Variants in CPSF1 observed in about 807,000 individuals in gnomAD.
The protein encoded by CPSF1 is cleavage and polyadenylation specific factor 1.
CPSF1 carries 106 observed loss-of-function variants against 175.8 expected under a neutral mutation model. That is an observed-to-expected ratio of 0.60 (90% CI 0.52 to 0.71). The LOEUF is 0.71. CPSF1 is among the 30% of genes least tolerant of loss of function. CPSF1 has a pLI of 0.00. For missense variants in CPSF1, 1,734 were observed against 2,022.9 expected, an observed-to-expected ratio of 0.86 and a Z score of 2.74; for synonymous variants, 1,024 against 858.3, an observed-to-expected ratio of 1.19 and a Z score of -3.37.
In CPSF1 at chr8:144,397,666, G is replaced by A. The variant is rs782804127; in HGVS notation, c.2211-5C>T. ...TCCTCGTCATCCACTGTGGGGCTGG[G>A]GGCCAGCAGAAGGTCATGGGCGGCC... On this transcript the variant is annotated splice_region_variant and splice_polypyrimidine_tract_variant and intron_variant, in intron 21 of 37. Coordinates refer to ENST00000616140, the MANE Select transcript of CPSF1 (RefSeq NM_013291.3). The A allele has an allele frequency of 1.9e-6, 3 of 1,541,834 alleles. No individual in the cohort carries two copies. Among genetic ancestry groups the A allele is most frequent in the East Asian group, 2.3e-5 (1 of 43,994 alleles).
In CPSF1 at chr8:144,400,367, C is replaced by T. The variant is rs2116874735; in HGVS notation, c.813G>A (p.Val271=). Residue 271 remains valine, a synonymous_variant, in exon 8 of 38, where the codon GTG becomes GTA. Coordinates refer to ENST00000616140, the MANE Select transcript of CPSF1 (RefSeq NM_013291.3). ...LPFDCTQALA[V]PKPIGGVVVF... The stretch of plus-strand genomic sequence containing the variant: ...CAGGACACACACCTATGGGCTTGGG[C>T]ACAGCCAGAGCCTGGGTGCAGTCAA... 3 of 1,613,934 alleles carry T rather than the reference C, an allele frequency of 1.9e-6. No individual in the cohort carries two copies. In the East Asian group the frequency reaches 6.7e-5, roughly 36 times the overall value.
rs1416907692 is a variant in CPSF1 at position 144,409,295 on chromosome 8, G to GTT, written c.-23_-22dup. 10 of 745,654 alleles carry GTT rather than the reference G, an allele frequency of 1.3e-5. No individual in the cohort carries two copies. Among genetic ancestry groups the GTT allele is most frequent in the Non-Finnish European group, 1.8e-5 (10 of 559,510 alleles). The allele number at this position is 745,654 out of a possible 1,614,324, so 46.2% of individuals were successfully genotyped here. A position where few individuals can be genotyped will look rare whatever the true frequency, so the allele number is the denominator to read the frequency against. On this transcript the variant is annotated 5_prime_UTR_variant, in exon 1 of 38. Coordinates refer to ENST00000616140, the MANE Select transcript of CPSF1 (RefSeq NM_013291.3). ...CGCCCGCCCGGCCGCCCACCTGGCA[G>GTT]TTGGAGCCGACTCGAGAGGAACCGG...
chr8:144,394,592 G>A (rs782581631), intron 31 of CPSF1, 37 bp from the exon 32 acceptor site: 1 of 1,603,078 alleles, frequency 6.2e-7, no homozygotes, highest in Non-Finnish European at 8.5e-7. Context: ...GCGCGGACGG[G>A]GAGCCGGGTG....
At chr8:144,396,140 T>G (rs1586613600) in intron 26 of CPSF1, 1 of 603,670 alleles carries the variant, frequency 1.7e-6, no homozygotes, top group African/African-American at 1.9e-5. Flanking sequence ...CCCCAGGGGC[T>G]GCAGCCCCAG....
At chr8:144,398,241 C>T in intron 19 of CPSF1, 61 bp downstream of exon 19, 3 of 1,072,382 alleles carry the variant, frequency 2.8e-6, no homozygotes, top group Non-Finnish European at 3.7e-6. Flanking sequence ...CCCACCGTCC[C>T]CACCCACCTA....
chr8:144,400,215 A>G lies in CPSF1; in HGVS notation c.888T>C (p.Tyr296=), dbSNP rs2116873565. Residue 296 remains tyrosine, a synonymous_variant, in exon 9 of 38, where the codon TAT becomes TAC. Coordinates refer to ENST00000616140, the MANE Select transcript of CPSF1 (RefSeq NM_013291.3). ...LLYLNQSVPP[Y]GVALNSLTTG... ...TGGTGAGGCTGTTGAGAGCCACGCC[A>G]TACGGGGGGACGCTCTGGTTCAGGT... 1.3e-6 allele frequency: 2 copies of G among 1,496,162 alleles called. No homozygotes were observed. Among genetic ancestry groups the G allele is most frequent in the Non-Finnish European group, 1.8e-6 (2 of 1,112,658 alleles). 92.7% of individuals were successfully genotyped at this position (1,496,162 alleles called of 1,614,324 possible).
Position 144,400,020 on chromosome 8 carries a change from T to A in CPSF1, c.1003A>T (p.Met335Leu). The change falls in exon 10 of 38, where the codon ATG (methionine) becomes TTG (leucine). Residue 335 changes from methionine (M) to leucine (L), a missense_variant. Transcript: ENST00000616140. ...TCGCCGCCCTTGAGGGAGATGACCATCTTGTCGTAGGAGATGAAGGTGGCC... is the reference window on the plus strand; with the variant it reads ...TCGCCGCCCTTGAGGGAGATGACCAACTTGTCGTAGGAGATGAAGGTGGCC... ...AQATFISYDK[M>L]VISLKGGEIY... 3.1e-6 allele frequency: 5 copies of A among 1,612,084 alleles called. No individual in the cohort carries two copies. Among genetic ancestry groups the A allele is most frequent in the Non-Finnish European group, 4.2e-6 (5 of 1,179,850 alleles).
intron 2 of CPSF1, among the ~76,000 whole-genome samples, chr8:144,402,135 C>G (rs200792959): frequency 6.8e-6 from 1 of 146,494 alleles, no homozygotes; most frequent in Non-Finnish European, 1.5e-5. Flanking sequence ...GCTATCCTGA[C>G]GCCTCGGGCT....
At position 144,397,109 on chromosome 8, in the gene CPSF1, G is replaced by A. The variant is rs1586616388; in HGVS notation, c.2592+98C>T. The A allele has an allele frequency of 1.2e-5, 15 of 1,228,586 alleles. No individual in the cohort carries two copies. In the East Asian group the frequency reaches 1.3e-4, roughly 11 times the overall value. 76.1% of individuals were successfully genotyped at this position (1,228,586 alleles called of 1,614,324 possible). On this transcript the variant is annotated intron_variant, in intron 23 of 37. Transcript: ENST00000616140. ...GCCACGGGAAGGGGCGGGGCCGTGGGGGAGATGGGGTGGAGCCACGGGAAG... is the reference window on the plus strand; with the variant it reads ...GCCACGGGAAGGGGCGGGGCCGTGGAGGAGATGGGGTGGAGCCACGGGAAG...
At chr8:144,408,830 A>G (rs570217639) in intron 2 of CPSF1, among the ~76,000 whole-genome samples, 185 bp downstream of exon 2, 1 of 152,202 alleles carries the variant, frequency 6.6e-6, no homozygotes, top group African/African-American at 2.4e-5. Context: ...GAGGCAGAAC[A>G]GGGTAGCAGC....
chr8:144,399,037 A>C lies in CPSF1; in HGVS notation c.1469T>G (p.Phe490Cys). The part of the protein sequence containing the change: ...VGEPAFLSEE[F>C]QNSPEPDLEI... Reference sequence around the variant, plus strand: ...CAGGTCCGGCTCGGGGCTGTTCTGAAACTGCACAGGACTCGGGGGTGAGGA... The same window carrying C: ...CAGGTCCGGCTCGGGGCTGTTCTGACACTGCACAGGACTCGGGGGTGAGGA... Residue 490 changes from phenylalanine (F) to cysteine (C), a missense_variant and splice_region_variant, in exon 16 of 38, where the codon TTT becomes TGT. Physicochemically the swap from Phe to Cys is radical, Grantham distance 205. Around this residue, in one of 10 missense-constraint regions of CPSF1, gnomAD observed 280 missense variants for 349.2 expected, o/e 0.80. Transcript: ENST00000616140. This position sits in a 1 kb window ranked among gnomAD's most constrained non-coding sequence, Gnocchi z 6.4. 1 of 1,594,142 alleles carries C rather than the reference A, an allele frequency of 6.3e-7. No homozygotes were observed. Among genetic ancestry groups the C allele is most frequent in the African/African-American group, 1.3e-5 (1 of 74,308 alleles).
At position 144,393,448 on chromosome 8, in the gene CPSF1, TCA is replaced by T; in HGVS notation, c.4284+2_4284+3del. 1.3e-6 allele frequency: 2 copies of T among 1,548,164 alleles called. No homozygotes were observed. Among genetic ancestry groups the T allele is most frequent in the Non-Finnish European group, 8.7e-7 (1 of 1,146,916 alleles). ...GGCGCGCGGGGGGCGGGGCGCGCAC[TCA>T]CTATGTCTGGTGTGGTGCCGATCTT... On this transcript the variant is annotated splice_donor_variant and splice_donor_region_variant and intron_variant, in intron 37 of 37. Coordinates refer to ENST00000616140, the MANE Select transcript of CPSF1 (RefSeq NM_013291.3). LOFTEE classifies it high-confidence loss of function.
chr8:144,401,247 G>A lies in CPSF1; in HGVS notation c.351C>T (p.Thr117=). 1.3e-6 allele frequency: 2 copies of A among 1,551,890 alleles called. No homozygotes were observed. The highest frequency in any genetic ancestry group is 1.7e-6 in the Non-Finnish European group (2 of 1,147,572). The change falls in exon 5 of 38, where the codon ACC becomes ACT. Residue 117 remains threonine, a synonymous_variant. Coordinates refer to ENST00000616140, the MANE Select transcript of CPSF1 (RefSeq NM_013291.3). ...EYDPGTHDLK[T]LSLHYFEEPE... ...GCTCCTCAAAGTAGTGCAGTGACAGGGTCTTCAGGTCATGGGTGCCCGGGT... is the reference window on the plus strand; with the variant it reads ...GCTCCTCAAAGTAGTGCAGTGACAGAGTCTTCAGGTCATGGGTGCCCGGGT...
At position 144,395,564 on chromosome 8, in the gene CPSF1, C is replaced by T. The variant is rs1222115520; in HGVS notation, c.2980-13G>A. 6.2e-6 allele frequency: 7 copies of T among 1,137,262 alleles called. No individual in the cohort carries two copies. The highest frequency in any genetic ancestry group is 8.9e-6 in the Non-Finnish European group (7 of 783,038). 70.4% of individuals were successfully genotyped at this position (1,137,262 alleles called of 1,614,324 possible). A position where few individuals can be genotyped will look rare whatever the true frequency, so the allele number is the denominator to read the frequency against. ...TCCTCAGCTCGCCCTGGGGTGGGGG[C>T]ACAGGGGTCAGGGGATCCAGGGCTA... is the stretch of plus-strand genomic sequence containing the variant. On this transcript the variant is annotated splice_polypyrimidine_tract_variant and intron_variant, in intron 26 of 37. Coordinates refer to ENST00000616140, the MANE Select transcript of CPSF1 (RefSeq NM_013291.3).
rs2116884807 is a variant in CPSF1 at position 144,401,487 on chromosome 8, G to A, written c.249C>T (p.Ser83=). ...CCCGCTTGGCTCCTGCCAGCTGCACGCTGGCCATGGACATGACGTTGCCAA... is the reference window on the plus strand; with the variant it reads ...CCCGCTTGGCTCCTGCCAGCTGCACACTGGCCATGGACATGACGTTGCCAA... The part of the protein sequence containing the change: ...SFFGNVMSMA[S]VQLAGAKRDA... The change falls in exon 4 of 38, where the codon AGC becomes AGT. Residue 83 remains serine (S), a synonymous_variant. Coordinates refer to ENST00000616140, the MANE Select transcript of CPSF1 (RefSeq NM_013291.3). 33 of 1,614,016 alleles carry A rather than the reference G, an allele frequency of 2.0e-5. No homozygotes were observed. The highest frequency in any genetic ancestry group is 4.0e-5 in the African/African-American group (3 of 75,056).
In CPSF1 at chr8:144,400,643, T is replaced by C. The variant is rs2116876991; in HGVS notation, c.686+28A>G. ...GCAGAGGCAGCTAGGGGGCCCACAG[T>C]GCAGAGGGGCCTCCTTAGGGGGCTC... On this transcript the variant is annotated intron_variant, in intron 7 of 37. Coordinates refer to ENST00000616140, the MANE Select transcript of CPSF1 (RefSeq NM_013291.3). 1.1e-4 allele frequency: 176 copies of C among 1,598,234 alleles called. No homozygotes were observed. The African/African-American group carries it at 2.1e-3, about 19-fold the overall frequency.
Position 144,400,236 on chromosome 8 carries a change from C to T in CPSF1, c.867G>A (p.Leu289=). 6.3e-7 allele frequency: 1 copy of T among 1,584,856 alleles called. No homozygotes were observed. The highest frequency in any genetic ancestry group is 2.3e-5 in the East Asian group (1 of 43,964). Residue 289 remains leucine (L), a synonymous_variant, in exon 9 of 38, where the codon CTG becomes CTA. Coordinates refer to ENST00000616140, the MANE Select transcript of CPSF1 (RefSeq NM_013291.3). ...VVFAVNSLLY[L]NQSVPPYGVA... is the part of the protein sequence containing the mutation. ...CGCCATACGGGGGGACGCTCTGGTT[C>T]AGGTACAACAGCGAGTTGACGGCAA... is the stretch of plus-strand genomic sequence containing the variant.
chr8:144,404,641 A>G (rs1349781311), intron 2 of CPSF1, among the ~76,000 whole-genome samples: 1 of 148,516 alleles, frequency 6.7e-6, no homozygotes, highest in Non-Finnish European at 1.5e-5. Flanking sequence ...AAGTGCTGGG[A>G]TTACAGGCGT....
chr8:144,394,529 G>A lies in CPSF1; in HGVS notation c.3594C>T (p.Ser1198=), dbSNP rs543962740. The change falls in exon 32 of 38, where the codon AGC becomes AGT. Residue 1198 remains serine, a synonymous_variant. Transcript: ENST00000616140. ...QKIFLWSLRA[S]ELTGMAFIDT... ...CGATGAAGGCCATGCCCGTCAGCTC[G>A]CTGGCCCGCAGGCTCCACAGGAAAA... The A allele has an allele frequency of 3.8e-5, 61 of 1,609,620 alleles. No homozygotes were observed. Among genetic ancestry groups the A allele is most frequent in the South Asian group, 5.5e-5 (5 of 90,354 alleles).
Sources: gnomAD v4.1 joint callset for allele counts (sites outside exome capture counted in the v4.1 genomes callset) on GRCh38, gnomAD v4.1.1 for gene constraint, gnomAD v4.1.1 regional missense constraint, Gnocchi (gnomAD v3.1) non-coding constraint, MANE v1.5 for transcripts, NCBI Gene and HGNC (gene_info 2026-07-23, HGNC 2026-07-21) for gene names.